RSPO2: variants seen among roughly 807,000 people sequenced by gnomAD.
The protein encoded by RSPO2 is R-spondin-2.
A neutral mutation model predicts 30.9 loss-of-function variants in RSPO2; 14 were observed. That is an observed-to-expected ratio of 0.45 (90% CI 0.30 to 0.71). The LOEUF (loss-of-function observed/expected upper bound fraction) is 0.71. Ranked by LOEUF, RSPO2 falls within the 30% of genes least tolerant of loss-of-function variation. The pLI is 0.08. For synonymous variants in RSPO2, 107 were observed against 96.4 expected, an observed-to-expected ratio of 1.11 and a Z score of -0.64; for missense variants, 264 against 301.9, an observed-to-expected ratio of 0.87 and a Z score of 0.93.
intron 2 of RSPO2, among the ~76,000 whole-genome samples, chr8:108,010,763 T>A (rs548412711): frequency 3.9e-5 from 6 of 152,120 alleles, no homozygotes; most frequent in African/African-American, 1.2e-4. Context: ...CAAACCTTGA[T>A]GCAAGCCTTG....
At chr8:108,063,752 G>C (rs1339087201) in intron 2 of RSPO2, among the ~76,000 whole-genome samples, 2 of 151,930 alleles carry the variant, frequency 1.3e-5, no homozygotes, top group Non-Finnish European at 2.9e-5. Flanking sequence ...CAAAGCTGGA[G>C]GCATCACGCT....
chr8:107,903,672 T>C (rs1811547710), intron 5 of RSPO2, among the ~76,000 whole-genome samples: 1 of 152,126 alleles, frequency 6.6e-6, no homozygotes, highest in African/African-American at 2.4e-5. Context: ...CAATAAGCTA[T>C]ATGGTACCAA....
rs191543501 is a variant in RSPO2 at position 108,007,587 on chromosome 8, A to G, written c.95-18343T>C. On this transcript the variant is annotated intron_variant, in intron 2 of 5. Transcript: ENST00000276659. The stretch of plus-strand genomic sequence containing the variant: ...TTGTCAAAGACACATTCTTGCAGTT[A>G]CTTCATAATCACTAAGTCTCCAATT... 3.3e-5 allele frequency among the ~76,000 whole-genome samples: 5 copies of G among 152,302 alleles called. No individual in the cohort carries two copies. The East Asian group carries it at 9.6e-4, about 29-fold the overall frequency.
At chr8:107,935,552 T>A (rs918460121) in intron 5 of RSPO2, among the ~76,000 whole-genome samples, 1 of 151,906 alleles carries the variant, frequency 6.6e-6, no homozygotes, top group Non-Finnish European at 1.5e-5. Context: ...ACACGAAGGC[T>A]CAGGATGGAT....
chr8:107,916,605 ATTT>A (rs1236433085), intron 5 of RSPO2, among the ~76,000 whole-genome samples: 2 of 152,148 alleles, frequency 1.3e-5, no homozygotes, highest in African/African-American at 4.8e-5. Context: ...AGGAAATGTA[ATTT>A]TTTCTAGTTC....
At chr8:107,988,249 C>A (rs1193183272) in intron 3 of RSPO2, among the ~76,000 whole-genome samples, 1 of 151,670 alleles carries the variant, frequency 6.6e-6, no homozygotes, top group African/African-American at 2.4e-5. Context: ...TTAAAATAAC[C>A]TAAACATTTT....
intron 5 of RSPO2, among the ~76,000 whole-genome samples, chr8:107,904,343 T>C (rs1047945917): frequency 3.4e-5 from 5 of 148,086 alleles, no homozygotes; most frequent in Admixed American, 1.4e-4. Flanking sequence ...GAATAGATAC[T>C]GCCCAGGATC....
intron 5 of RSPO2, among the ~76,000 whole-genome samples, chr8:107,934,172 A>G (rs547054528): frequency 6.6e-6 from 1 of 152,348 alleles, no homozygotes; most frequent in African/African-American, 2.4e-5. Context: ...CATAATAACA[A>G]ACACAAGCTT....
intron 2 of RSPO2, among the ~76,000 whole-genome samples, chr8:108,003,154 T>C (rs961561913): frequency 6.7e-6 from 1 of 148,958 alleles, no homozygotes; most frequent in African/African-American, 2.5e-5. Context: ...CAGGTTCAAG[T>C]AATTCTCCTG....
intron 2 of RSPO2, among the ~76,000 whole-genome samples, chr8:108,001,128 C>T (rs759676155): frequency 3.3e-5 from 5 of 152,072 alleles, no homozygotes; most frequent in Non-Finnish European, 7.4e-5. Context: ...GGAGGTGGAG[C>T]TTGCAGTGAG....
chr8:107,916,865 G>A (rs1280489234), intron 5 of RSPO2, among the ~76,000 whole-genome samples: 1 of 152,150 alleles, frequency 6.6e-6, no homozygotes, highest in Admixed American at 6.5e-5. Context: ...ACAGAAAATT[G>A]TAAAGCATCC....
intron 5 of RSPO2, among the ~76,000 whole-genome samples, chr8:107,946,413 TGAG>T (rs1434727768): frequency 6.6e-6 from 1 of 152,018 alleles, no homozygotes; most frequent in African/African-American, 2.4e-5. Context: ...CCAGGAGAAA[TGAG>T]GTTTTGCAAA....
chr8:107,914,080 C>T (rs1811903192), intron 5 of RSPO2, among the ~76,000 whole-genome samples: 1 of 152,044 alleles, frequency 6.6e-6, no homozygotes. Flanking sequence ...GATTCACAGT[C>T]CAAACTACCA....
chr8:108,060,410 G>A (rs559880194), intron 2 of RSPO2, among the ~76,000 whole-genome samples: 1 of 151,686 alleles, frequency 6.6e-6, no homozygotes, highest in African/African-American at 2.4e-5. Flanking sequence ...TAGCCAATTC[G>A]ATCAACTGGA....
At chr8:107,996,147 A>G (rs1815015365) in intron 2 of RSPO2, among the ~76,000 whole-genome samples, 1 of 152,176 alleles carries the variant, frequency 6.6e-6, no homozygotes, top group Non-Finnish European at 1.5e-5. Flanking sequence ...GGAGAAGAGC[A>G]ATGAAACTGG....
chr8:107,960,871 G>A lies in RSPO2; in HGVS notation c.284-54C>T, dbSNP rs1163925825. 6 of 1,371,478 alleles carry A rather than the reference G, an allele frequency of 4.4e-6. No individual in the cohort carries two copies. The African/African-American group carries it at 8.9e-5, about 20-fold the overall frequency. 85.0% of individuals were successfully genotyped at this position (1,371,478 alleles called of 1,614,324 possible). A position where few individuals can be genotyped will look rare whatever the true frequency, so the allele number is the denominator to read the frequency against. Reference sequence around the variant, plus strand: ...AAATTTCAGTCAAAGAAATTTACTTGTTTTACAAATAAAATTTTTGTAAAC... The same window carrying A: ...AAATTTCAGTCAAAGAAATTTACTTATTTTACAAATAAAATTTTTGTAAAC... On this transcript the variant is annotated intron_variant, in intron 3 of 5. Coordinates refer to ENST00000276659, the MANE Select transcript of RSPO2 (RefSeq NM_178565.5).
chr8:107,997,885 T>C (rs1289226992), intron 2 of RSPO2, among the ~76,000 whole-genome samples: 1 of 152,198 alleles, frequency 6.6e-6, no homozygotes, highest in Admixed American at 6.5e-5. Context: ...GTTTCTAATA[T>C]ACTCCTGACT....
In RSPO2 at chr8:108,083,261, G is replaced by C. The variant is rs992261921; in HGVS notation, c.-234C>G. The C allele has an allele frequency of 2.0e-5, 3 of 152,256 alleles. No homozygotes were observed. The highest frequency in any genetic ancestry group is 6.5e-5 in the Admixed American group (1 of 15,292). 9.4% of individuals were successfully genotyped at this position (152,256 alleles called of 1,614,324 possible). ...GTGCTCCATCCCGGGCTCGGGAAGC[G>C]AGCCGCTTGGTTAGCACGTGGGCTG... On this transcript the variant is annotated 5_prime_UTR_variant, in exon 1 of 6. Coordinates refer to ENST00000276659, the MANE Select transcript of RSPO2 (RefSeq NM_178565.5).
intron 2 of RSPO2, among the ~76,000 whole-genome samples, chr8:108,040,493 A>G (rs185534744): frequency 2.0e-5 from 3 of 152,266 alleles, no homozygotes; most frequent in African/African-American, 7.2e-5. Context: ...TGTTCAGCCA[A>G]TGCCCAGAGT....
Sources: allele counts gnomAD v4.1 joint callset (sites outside exome capture counted in the v4.1 genomes callset), GRCh38; gene constraint gnomAD v4.1.1; transcripts MANE v1.5; gene names NCBI Gene and HGNC (gene_info 2026-07-23, HGNC 2026-07-21).